CDH12: variants seen among roughly 807,000 people sequenced by gnomAD.
The protein encoded by CDH12 is cadherin-12.
In CDH12, 41 loss-of-function variants were observed where a neutral mutation model predicts 74.1. That is an observed-to-expected ratio of 0.55 (90% confidence interval 0.43 to 0.72). CDH12 has a LOEUF of 0.72. Among genes scored for constraint, CDH12 ranks in the 30% least tolerant of loss-of-function variants. The pLI is 0.00. For synonymous variants in CDH12, 399 were observed against 355.0 expected, an observed-to-expected ratio of 1.12 and a Z score of -1.39; for missense variants, 945 against 977.2, an observed-to-expected ratio of 0.97 and a Z score of 0.44.
At chr5:22,343,061 G>T (rs1739945265) in intron 3 of CDH12, among the ~76,000 whole-genome samples, 1 of 151,748 alleles carries the variant, frequency 6.6e-6, no homozygotes, top group African/African-American at 2.4e-5. Flanking sequence ...CACTATGTTG[G>T]CCAGGCTGGT....
intron 5 of CDH12, among the ~76,000 whole-genome samples, chr5:22,073,105 A>C (rs766659950): frequency 2.0e-5 from 3 of 152,158 alleles, no homozygotes; most frequent in African/African-American, 4.8e-5. Flanking sequence ...TAACTTTTAT[A>C]ATTGTAATCT....
At chr5:22,401,464 T>A (rs1742728223) in intron 3 of CDH12, among the ~76,000 whole-genome samples, 1 of 152,200 alleles carries the variant, frequency 6.6e-6, no homozygotes, top group Non-Finnish European at 1.5e-5. Flanking sequence ...GTGAATTATA[T>A]TATAAAGTGG....
At chr5:22,062,066 GA>G (rs1741226847) in intron 5 of CDH12, among the ~76,000 whole-genome samples, 1 of 152,076 alleles carries the variant, frequency 6.6e-6, no homozygotes, top group Non-Finnish European at 1.5e-5. Flanking sequence ...GAAGAAAAAA[GA>G]AAATAAACAC....
chr5:22,643,902 C>A (rs1481815689), intron 1 of CDH12, among the ~76,000 whole-genome samples: 1 of 151,718 alleles, frequency 6.6e-6, no homozygotes, highest in African/African-American at 2.4e-5. Context: ...ATGATATTAT[C>A]TATTATTGTG....
At chr5:22,704,666 G>T (rs1429618786) in intron 1 of CDH12, among the ~76,000 whole-genome samples, 2 of 152,020 alleles carry the variant, frequency 1.3e-5, no homozygotes, top group Non-Finnish European at 2.9e-5. Flanking sequence ...GAATAGTTTG[G>T]AAAAAGTTAG....
chr5:21,882,598 A>C (rs1752414455), intron 6 of CDH12: 16 of 1,596,902 alleles, frequency 1.0e-5, no homozygotes, highest in Non-Finnish European at 1.4e-5. Flanking sequence ...TGCTTCGGTT[A>C]CCCACAGTCT....
chr5:22,528,262 C>T (rs1007278754), intron 1 of CDH12, among the ~76,000 whole-genome samples: 2 of 152,132 alleles, frequency 1.3e-5, no homozygotes, highest in African/African-American at 4.8e-5. Context: ...AGAGAGGTCA[C>T]TTCCACTGTG....
In CDH12 at chr5:22,136,236, A is replaced by G. The variant is rs971117732; in HGVS notation, c.-186-57374T>C. On this transcript the variant is annotated intron_variant, in intron 4 of 14. Transcript: ENST00000382254. ...GGCTCAACCAGAAGGTAAGAAGTCAACAAACATTTTGGAAGGTAGGAGTTA... is the reference window on the plus strand; with the variant it reads ...GGCTCAACCAGAAGGTAAGAAGTCAGCAAACATTTTGGAAGGTAGGAGTTA... Among the ~76,000 whole-genome samples the G allele has an allele frequency of 4.6e-5, 7 of 152,018 alleles. No homozygotes were observed. In the East Asian group the frequency reaches 1.4e-3, roughly 29 times the overall value.
intron 5 of CDH12, among the ~76,000 whole-genome samples, chr5:22,010,040 C>G (rs544035975): frequency 6.6e-6 from 1 of 151,318 alleles, no homozygotes; most frequent in South Asian, 2.1e-4. Flanking sequence ...AATGGGTCAG[C>G]ACTGTCTTTT....
At chr5:22,662,734 T>C (rs895210797) in intron 1 of CDH12, among the ~76,000 whole-genome samples, 1 of 152,222 alleles carries the variant, frequency 6.6e-6, no homozygotes, top group Non-Finnish European at 1.5e-5. Flanking sequence ...AAAGATGTAG[T>C]TCTGGCACAG....
intron 6 of CDH12, among the ~76,000 whole-genome samples, chr5:21,908,251 G>A (rs1487785314): frequency 6.6e-6 from 1 of 152,200 alleles, no homozygotes; most frequent in Non-Finnish European, 1.5e-5. Flanking sequence ...TGAGTTTAAA[G>A]GGAATTCTTA....
At chr5:22,086,937 A>G in intron 4 of CDH12, among the ~76,000 whole-genome samples, 1 of 152,128 alleles carries the variant, frequency 6.6e-6, no homozygotes, top group Non-Finnish European at 1.5e-5. Flanking sequence ...GTGGTCTTTC[A>G]CCCAAAAATC....
intron 4 of CDH12, among the ~76,000 whole-genome samples, chr5:22,145,637 C>T (rs778145146): frequency 2.0e-5 from 3 of 152,022 alleles, no homozygotes; most frequent in Non-Finnish European, 2.9e-5. Flanking sequence ...AGGAAGAAAG[C>T]AAGGCTAACG....
chr5:21,962,450 T>C (rs1169457344), intron 6 of CDH12, among the ~76,000 whole-genome samples: 2 of 152,336 alleles, frequency 1.3e-5, no homozygotes, highest in African/African-American at 4.8e-5. Flanking sequence ...TGTTCTATCA[T>C]TGTGACAATA....
intron 5 of CDH12, among the ~76,000 whole-genome samples, chr5:22,036,672 A>G (rs1319522260): frequency 6.6e-6 from 1 of 152,216 alleles, no homozygotes; most frequent in Non-Finnish European, 1.5e-5. Context: ...TACACAGAAC[A>G]TCTTTCTTTG....
At position 22,078,873 on chromosome 5, in the gene CDH12, G is replaced by C. The variant is rs1001251588; in HGVS notation, c.-186-11C>G. The C allele has an allele frequency of 7.0e-6, 9 of 1,284,398 alleles. No homozygotes were observed. Among genetic ancestry groups the C allele is most frequent in the Non-Finnish European group, 8.0e-6 (8 of 1,005,416 alleles). The allele number at this position is 1,284,398 out of a possible 1,614,324, so 79.6% of individuals were successfully genotyped here. ...TCCATCTAAAGGGGCCTATGAAATA[G>C]ATGAACAAAGATACATTAAATTAAT... On this transcript the variant is annotated splice_polypyrimidine_tract_variant and intron_variant, in intron 4 of 14. Transcript: ENST00000382254.
At chr5:22,511,938 T>C (rs1418292855) in intron 1 of CDH12, among the ~76,000 whole-genome samples, 2 of 135,700 alleles carry the variant, frequency 1.5e-5, no homozygotes, top group Non-Finnish European at 3.3e-5. Context: ...TATGATTGTG[T>C]GTGTGTGTGT....
At chr5:22,022,448 T>A (rs1738052381) in intron 5 of CDH12, among the ~76,000 whole-genome samples, 1 of 152,166 alleles carries the variant, frequency 6.6e-6, no homozygotes, top group African/African-American at 2.4e-5. Context: ...AGCCATGCCT[T>A]CGTATAGCTT....
rs1171796337 is a variant in CDH12 at position 21,751,930 on chromosome 5, G to A, written c.2192C>T (p.Pro731Leu). The A allele has an allele frequency of 6.2e-7, 1 of 1,613,876 alleles. No individual in the cohort carries two copies. The highest frequency in any genetic ancestry group is 1.3e-5 in the African/African-American group (1 of 74,880). The change falls in exon 15 of 15, where the codon CCA becomes CTA. Residue 731 changes from proline to leucine, a missense_variant. By Grantham distance (98) the Pro-to-Leu change is moderately conservative (BLOSUM62 -3). This residue lies in a region of CDH12 where 791 missense variants were observed against 792.8 expected (regional missense o/e 1.00). Coordinates refer to ENST00000382254, the MANE Select transcript of CDH12 (RefSeq NM_004061.5). ...LQENDVDPTA[P>L]PYDSLATYAY... ...ATATGTGGCCAGTGAATCGTATGGT[G>A]GGGCAGTTGGATCCACATCATTTTC...
Sources: gnomAD v4.1 joint callset for allele counts (sites outside exome capture counted in the v4.1 genomes callset) on GRCh38, gnomAD v4.1.1 for gene constraint, gnomAD v4.1.1 regional missense constraint, MANE v1.5 for transcripts, NCBI Gene and HGNC (gene_info 2026-07-23, HGNC 2026-07-21) for gene names.